MVB12B: variants seen among roughly 807,000 people sequenced by gnomAD.
The protein encoded by MVB12B is multivesicular body subunit 12B.
Under a neutral mutation model 41.6 loss-of-function variants are expected in MVB12B, and 16 were observed. The observed-to-expected ratio is 0.38, with a 90% CI of 0.26 to 0.58. The LOEUF is 0.58. Among genes scored for constraint, MVB12B ranks in the 20% least tolerant of loss-of-function variants. The pLI is 0.62. For synonymous variants in MVB12B, 133 were observed against 139.7 expected (o/e 0.95, Z 0.34); for missense variants, 274 against 380.2 (o/e 0.72, Z 2.32).
chr9:126,498,280 G>A (rs2119236267), intron 9 of MVB12B, among the ~76,000 whole-genome samples: 1 of 152,306 alleles, frequency 6.6e-6, no homozygotes, highest in African/African-American at 2.4e-5. Flanking sequence ...GGGGCTTGGA[G>A]AAGCAGACAG....
At chr9:126,503,127 T>C in intron 9 of MVB12B, 50 bp from the exon 10 acceptor site, 1 of 1,463,600 alleles carries the variant, frequency 6.8e-7, no homozygotes, top group Non-Finnish European at 9.4e-7. Flanking sequence ...GGGGTTTCCC[T>C]AGTGTCCCAT....
chr9:126,443,284 T>G (rs11790799), intron 7 of MVB12B, among the ~76,000 whole-genome samples: 37,824 of 152,044 alleles, frequency 0.25, 4,953 homozygotes, highest in Middle Eastern at 0.28. Flanking sequence ...AGGGTGGACC[T>G]CCTGTCCCTC....
intron 6 of MVB12B, among the ~76,000 whole-genome samples, chr9:126,404,711 G>A (rs73595667): frequency 1.5e-3 from 233 of 152,334 alleles, no homozygotes; most frequent in African/African-American, 5.2e-3. Flanking sequence ...CGCCGACTGA[G>A]GGAACATGTG....
At chr9:126,425,214 A>G (rs1832140287) in intron 7 of MVB12B, among the ~76,000 whole-genome samples, 1 of 152,158 alleles carries the variant, frequency 6.6e-6, no homozygotes, top group Admixed American at 6.5e-5. Context: ...TTGAGGCTAT[A>G]ATGTGCTATT....
intron 7 of MVB12B, among the ~76,000 whole-genome samples, chr9:126,434,571 A>G (rs929372334): frequency 2.0e-5 from 3 of 152,214 alleles, no homozygotes; most frequent in Admixed American, 6.5e-5. Flanking sequence ...TGCTACCTAG[A>G]GGCAATAAAC....
At chr9:126,477,147 C>A (rs1310767081) in intron 7 of MVB12B, among the ~76,000 whole-genome samples, 2 of 151,956 alleles carry the variant, frequency 1.3e-5, no homozygotes, top group East Asian at 3.9e-4. Context: ...GGGGAACAGG[C>A]GTATCACATG....
intron 7 of MVB12B, among the ~76,000 whole-genome samples, chr9:126,434,245 TA>T (rs11367096): frequency 0.26 from 38,993 of 149,788 alleles, 5,185 homozygotes; most frequent in South Asian, 0.28. Context: ...CATTTATGTT[TA>T]AAAAAAAAAA....
intron 2 of MVB12B, among the ~76,000 whole-genome samples, chr9:126,341,557 C>T (rs765110353): frequency 1.7e-4 from 26 of 152,234 alleles, no homozygotes; most frequent in Non-Finnish European, 3.1e-4. Context: ...AGAATAGTCT[C>T]TGATGTCCTG....
intron 9 of MVB12B, among the ~76,000 whole-genome samples, chr9:126,497,206 C>T (rs1362905461): frequency 6.6e-6 from 1 of 152,104 alleles, no homozygotes; most frequent in Non-Finnish European, 1.5e-5. Context: ...GCCCTAGAAC[C>T]ACATGGAACC....
chr9:126,375,071 A>G (rs1830442353), intron 2 of MVB12B, among the ~76,000 whole-genome samples: 1 of 151,890 alleles, frequency 6.6e-6, no homozygotes, highest in Non-Finnish European at 1.5e-5. Context: ...TTTCTAAGTA[A>G]TTTTATTATA....
At chr9:126,456,625 A>G (rs943530539) in intron 7 of MVB12B, among the ~76,000 whole-genome samples, 3 of 152,166 alleles carry the variant, frequency 2.0e-5, no homozygotes, top group African/African-American at 7.2e-5. Context: ...ACTGAATCAT[A>G]AAGACTGCCT....
rs1324339078 is a variant in MVB12B at position 126,389,369 on chromosome 9, G to A, written c.410-2697G>A. 1.3e-5 allele frequency among the ~76,000 whole-genome samples: 2 copies of A among 152,190 alleles called. No homozygotes were observed. Among genetic ancestry groups the A allele is most frequent in the African/African-American group, 2.4e-5 (1 of 41,452 alleles). On this transcript the variant is annotated intron_variant, in intron 4 of 9. Transcript: ENST00000361171. This position sits in a 1 kb window ranked among gnomAD's most constrained non-coding sequence, Gnocchi z 4.4. ...AGTCAGCCAAAAACAGGAGACTCCT[G>A]TAATTCATTGAAAATATGGTTTGCT...
chr9:126,334,790 G>A (rs969186721), intron 1 of MVB12B, among the ~76,000 whole-genome samples: 1 of 152,168 alleles, frequency 6.6e-6, no homozygotes, highest in African/African-American at 2.4e-5. Context: ...CCCTACCCTC[G>A]AGTAATGTTC....
rs143928729 is a variant in MVB12B, at chr9:126,470,646, CTGTGTGTGTGTGTGTG to C, written c.758-10707_758-10692del. Among the ~76,000 whole-genome samples the C allele has an allele frequency of 3.2e-3, 455 of 143,618 alleles. 1 individual carries two copies. Among genetic ancestry groups the C allele is most frequent in the Non-Finnish European group, 4.4e-3 (283 of 64,532 alleles). 94.2% of individuals were successfully genotyped at this position (143,618 alleles called of 152,430 possible). On this transcript the variant is annotated intron_variant, in intron 7 of 9. Transcript: ENST00000361171. ...GGGGAGCCTAGGAGGAGTCAGTGCT[CTGTGTGTGTGTGTGTG>C]TGTGTGTGTGTGTGTAATCCAGATT...
rs773680176 is a variant in MVB12B at position 126,392,049 on chromosome 9, A to G, written c.410-17A>G. ...TCTCTGGAAAACTCATACCTTTTCTATTGTCCTTTCCTTCAGAGGAAGTGG... is the reference window on the plus strand; with the variant it reads ...TCTCTGGAAAACTCATACCTTTTCTGTTGTCCTTTCCTTCAGAGGAAGTGG... On this transcript the variant is annotated splice_polypyrimidine_tract_variant and intron_variant, in intron 4 of 9. Transcript: ENST00000361171. This position sits in a 1 kb window ranked among gnomAD's most constrained non-coding sequence, Gnocchi z 4.8. The G allele has an allele frequency of 1.9e-6, 3 of 1,613,988 alleles. No individual in the cohort carries two copies. Among genetic ancestry groups the G allele is most frequent in the East Asian group, 2.2e-5 (1 of 44,884 alleles).
intron 9 of MVB12B, among the ~76,000 whole-genome samples, chr9:126,488,344 CAAAAAAAAA>C (rs60489071): frequency 1.5e-5 from 2 of 132,286 alleles, no homozygotes; most frequent in Non-Finnish European, 3.2e-5. Context: ...ACCATTAAAC[CAAAAAAAAA>C]AAAAAAAAAA....
At chr9:126,352,877 T>C (rs1829790499) in intron 2 of MVB12B, among the ~76,000 whole-genome samples, 1 of 152,232 alleles carries the variant, frequency 6.6e-6, no homozygotes, top group South Asian at 2.1e-4. Flanking sequence ...CTTAATATTA[T>C]ATATATAGGC....
chr9:126,380,751 C>T (rs943453156), intron 2 of MVB12B, among the ~76,000 whole-genome samples: 2 of 152,226 alleles, frequency 1.3e-5, no homozygotes, highest in African/African-American at 2.4e-5. Flanking sequence ...GTGGTAATAG[C>T]CGCTTAATGT....
At chr9:126,366,611 G>A (rs184875506) in intron 2 of MVB12B, among the ~76,000 whole-genome samples, 37 of 152,144 alleles carry the variant, frequency 2.4e-4, no homozygotes, top group Middle Eastern at 6.8e-3. Context: ...TAGATCATCG[G>A]ATATTCTTCT....
Sources: gnomAD v4.1 joint callset for allele counts (sites outside exome capture counted in the v4.1 genomes callset) on GRCh38, gnomAD v4.1.1 for gene constraint, Gnocchi (gnomAD v3.1) non-coding constraint, MANE v1.5 for transcripts, NCBI Gene and HGNC (gene_info 2026-07-23, HGNC 2026-07-21) for gene names.